The following CDC42SE2 variants were observed in gnomAD, a reference collection of about 807,000 sequenced individuals.
The protein encoded by CDC42SE2 is CDC42 small effector 2.
A neutral mutation model predicts 11.5 loss-of-function variants in CDC42SE2; 3 were observed. The ratio of observed to expected loss-of-function variants is 0.26; its 90% confidence interval spans 0.12 to 0.67. The LOEUF (loss-of-function observed/expected upper bound fraction) is 0.67. Among genes scored for constraint, CDC42SE2 ranks in the 30% least tolerant of loss-of-function variants. CDC42SE2 has a pLI of 0.80. For missense variants in CDC42SE2, 82 were observed against 106.8 expected (o/e 0.77, Z 1.02); for synonymous variants, 33 against 34.8 (o/e 0.95, Z 0.18).
At chr5:131,360,509 A>G (rs1162563482) in intron 3 of CDC42SE2, among the ~76,000 whole-genome samples, 1 of 152,198 alleles carries the variant, frequency 6.6e-6, no homozygotes, top group Non-Finnish European at 1.5e-5. Flanking sequence ...ACTCATCTGT[A>G]TTCCCACAGC....
At chr5:131,312,123 G>T (rs910170962) in intron 1 of CDC42SE2, among the ~76,000 whole-genome samples, 18 of 152,096 alleles carry the variant, frequency 1.2e-4, no homozygotes, top group Non-Finnish European at 1.5e-5. Context: ...TGGGTTTTTG[G>T]TGTGGATGTC....
chr5:131,311,633 T>C (rs542029835), intron 1 of CDC42SE2, among the ~76,000 whole-genome samples: 17 of 152,336 alleles, frequency 1.1e-4, no homozygotes, highest in East Asian at 3.9e-4. Context: ...TTGAAGACTT[T>C]GCTCGTTTCT....
In CDC42SE2 at chr5:131,330,287, T is replaced by G. The variant is rs575303486; in HGVS notation, c.-286+14143T>G. 3.9e-5 allele frequency among the ~76,000 whole-genome samples: 6 copies of G among 152,334 alleles called. No individual in the cohort carries two copies. In the East Asian group the frequency reaches 1.2e-3, roughly 29 times the overall value. Reference sequence around the variant, plus strand: ...ACGTTCTAAGATCCAAGCCTTGTTCTGTAGTCAAACAAGTCTTACTAAGGT... The same window carrying G: ...ACGTTCTAAGATCCAAGCCTTGTTCGGTAGTCAAACAAGTCTTACTAAGGT... On this transcript the variant is annotated intron_variant, in intron 2 of 4. Coordinates refer to ENST00000505065, the MANE Select transcript of CDC42SE2 (RefSeq NM_001375635.1).
In CDC42SE2 at chr5:131,385,565, G is replaced by T. The variant is rs760454387; in HGVS notation, c.77G>T (p.Arg26Ile). The change falls in exon 4 of 5, where the codon AGA becomes ATA. Residue 26 changes from arginine (R) to isoleucine (I), a missense_variant. By Grantham distance (97) the Arg-to-Ile change is moderately conservative. Coordinates refer to ENST00000505065, the MANE Select transcript of CDC42SE2 (RefSeq NM_001375635.1). ...PQPKRRRRID[R>I]SMIGEPTNFV... ...TAGAAAAGGCGACGGCGGATTGACAGAAGTATGATTGGAGAGCCCACAAAC... is the reference window on the plus strand; with the variant it reads ...TAGAAAAGGCGACGGCGGATTGACATAAGTATGATTGGAGAGCCCACAAAC... The T allele has an allele frequency of 9.3e-6, 15 of 1,613,528 alleles. No individual in the cohort carries two copies. The highest frequency in any genetic ancestry group is 1.1e-5 in the South Asian group (1 of 91,048).
At chr5:131,324,143 GTATT>G (rs1758250163) in intron 2 of CDC42SE2, among the ~76,000 whole-genome samples, 3 of 152,176 alleles carry the variant, frequency 2.0e-5, no homozygotes, top group South Asian at 4.1e-4. Flanking sequence ...TTTCTTCCAA[GTATT>G]TATTCTTTAG....
intron 2 of CDC42SE2, among the ~76,000 whole-genome samples, chr5:131,341,818 C>G (rs567273714): frequency 4.0e-5 from 6 of 151,744 alleles, no homozygotes; most frequent in Non-Finnish European, 8.8e-5. Context: ...TCGTTTGAAC[C>G]CAGGAGGTGG....
chr5:131,298,765 C>A (rs1757623932), intron 1 of CDC42SE2, among the ~76,000 whole-genome samples: 1 of 152,042 alleles, frequency 6.6e-6, no homozygotes, highest in Non-Finnish European at 1.5e-5. Context: ...CATATCTTCC[C>A]CTTGTGCTTT....
chr5:131,313,176 G>A (rs1004645713), intron 1 of CDC42SE2, among the ~76,000 whole-genome samples: 3 of 151,906 alleles, frequency 2.0e-5, no homozygotes, highest in Non-Finnish European at 4.4e-5. Context: ...TGGAGGCGGG[G>A]TTTTGCCATG....
At chr5:131,284,369 A>C (rs1228557016) in intron 1 of CDC42SE2, among the ~76,000 whole-genome samples, 7 of 152,214 alleles carry the variant, frequency 4.6e-5, no homozygotes, top group African/African-American at 1.7e-4. Flanking sequence ...TTAGTAATTC[A>C]TTGTAAAGGA....
At chr5:131,300,340 A>AG (rs1757653323) in intron 1 of CDC42SE2, among the ~76,000 whole-genome samples, 1 of 152,146 alleles carries the variant, frequency 6.6e-6, no homozygotes, top group African/African-American at 2.4e-5. Flanking sequence ...AGTGAGTTGG[A>AG]TAAGAAAGAG....
chr5:131,319,481 T>C (rs921006696), intron 2 of CDC42SE2, among the ~76,000 whole-genome samples: 4 of 152,214 alleles, frequency 2.6e-5, no homozygotes, highest in African/African-American at 9.6e-5. Flanking sequence ...GCTTGCACTC[T>C]GTATACTGGC....
At chr5:131,389,540 A>G (rs1055944537) in intron 4 of CDC42SE2, among the ~76,000 whole-genome samples, 1 of 152,232 alleles carries the variant, frequency 6.6e-6, no homozygotes, top group African/African-American at 2.4e-5. Context: ...TGATCTAAAT[A>G]AGCTATGCAT....
chr5:131,358,394 C>T (rs1749614851), intron 2 of CDC42SE2, among the ~76,000 whole-genome samples: 1 of 152,106 alleles, frequency 6.6e-6, no homozygotes, highest in African/African-American at 2.4e-5. Flanking sequence ...TTCTCTTTTG[C>T]CGCTGCTTGT....
chr5:131,301,608 A>T (rs1757684138), intron 1 of CDC42SE2, among the ~76,000 whole-genome samples: 1 of 151,944 alleles, frequency 6.6e-6, no homozygotes, highest in Non-Finnish European at 1.5e-5. Flanking sequence ...AAATATAAAA[A>T]TTAGCCGGGC....
the CDC42SE2 span, among the ~76,000 whole-genome samples, chr5:131,218,099 C>T: frequency 9.7e-4 from 138 of 142,296 alleles, no homozygotes; most frequent in Middle Eastern, 3.6e-3. Context: ...TCACTTGAGT[C>T]GGGGAGGTCA....
chr5:131,265,626 C>G (rs1291260671), intron 1 of CDC42SE2, among the ~76,000 whole-genome samples: 1 of 152,108 alleles, frequency 6.6e-6, no homozygotes, highest in East Asian at 1.9e-4. Flanking sequence ...GTCTTAAACC[C>G]CTAGTGGCTA....
At chr5:131,383,645 A>C (rs1389143536) in intron 3 of CDC42SE2, among the ~76,000 whole-genome samples, 1 of 152,186 alleles carries the variant, frequency 6.6e-6, no homozygotes, top group African/African-American at 2.4e-5. Flanking sequence ...CTACTGAAAA[A>C]ATCTAGAGCT....
intron 1 of CDC42SE2, among the ~76,000 whole-genome samples, chr5:131,278,119 G>A (rs1757141620): frequency 6.6e-6 from 1 of 152,080 alleles, no homozygotes; most frequent in South Asian, 2.1e-4. Context: ...CCAAGTAGCT[G>A]GGATTCCAGG....
At chr5:131,234,971 C>T in the CDC42SE2 span, among the ~76,000 whole-genome samples, 1 of 151,350 alleles carries the variant, frequency 6.6e-6, no homozygotes, top group Non-Finnish European at 1.5e-5. Context: ...TCACTGCAAC[C>T]TCTGCCACCC....
Sources: allele counts gnomAD v4.1 joint callset (sites outside exome capture counted in the v4.1 genomes callset), GRCh38; gene constraint gnomAD v4.1.1; transcripts MANE v1.5; gene names NCBI Gene and HGNC (gene_info 2026-07-23, HGNC 2026-07-21).